Variants in DNAJB6 observed in about 807,000 individuals in gnomAD.
DNAJB6 encodes dnaJ homolog subfamily B member 6.
Under a neutral mutation model 42.7 loss-of-function variants are expected in DNAJB6, and 16 were observed. That is an observed-to-expected ratio of 0.37 (90% CI 0.25 to 0.57). The LOEUF is 0.57. Ranked by LOEUF, DNAJB6 falls within the 20% of genes least tolerant of loss-of-function variation. DNAJB6 has a pLI of 0.74. For synonymous variants in DNAJB6, 170 were observed against 163.5 expected (o/e 1.04, Z -0.30); for missense variants, 347 against 416.8 (o/e 0.83, Z 1.46).
At chr7:157,353,607 G>GTGTA (rs1799118006) in intron 1 of DNAJB6, among the ~76,000 whole-genome samples, 1 of 147,908 alleles carries the variant, frequency 6.8e-6, no homozygotes, top group African/African-American at 2.5e-5. Context: ...GTGTGTGTGT[G>GTGTA]TGTGTGTGTG....
At chr7:157,363,900 A>G (rs1215317330) in intron 3 of DNAJB6, among the ~76,000 whole-genome samples, 1 of 152,028 alleles carries the variant, frequency 6.6e-6, no homozygotes, top group Non-Finnish European at 1.5e-5. Flanking sequence ...AAGGCTGTGC[A>G]TGGGGCCTGG....
chr7:157,396,610 GCT>G (rs1801595860), intron 8 of DNAJB6, among the ~76,000 whole-genome samples: 1 of 152,228 alleles, frequency 6.6e-6, no homozygotes, highest in African/African-American at 2.4e-5. Flanking sequence ...CCCCTCCTCT[GCT>G]CTCAGTGTGA....
intron 8 of DNAJB6, among the ~76,000 whole-genome samples, chr7:157,406,327 A>G (rs1172720032): frequency 6.6e-6 from 1 of 152,176 alleles, no homozygotes; most frequent in Non-Finnish European, 1.5e-5. Context: ...TCTTTCCTCA[A>G]GTCACTTTTC....
intron 1 of DNAJB6, among the ~76,000 whole-genome samples, chr7:157,350,681 A>G (rs935744683): frequency 1.4e-5 from 2 of 145,060 alleles, no homozygotes; most frequent in Non-Finnish European, 3.0e-5. Flanking sequence ...CTTGGAGACA[A>G]CAACCTTTTT....
chr7:157,410,548 G>A (rs1795939298), intron 9 of DNAJB6: 3 of 166,310 alleles, frequency 1.8e-5, no homozygotes, highest in East Asian at 1.7e-4. Context: ...TTAGGGAGCC[G>A]GATAGTCTCT....
chr7:157,349,905 A>G (rs963098231), intron 1 of DNAJB6, among the ~76,000 whole-genome samples: 3 of 152,048 alleles, frequency 2.0e-5, no homozygotes, highest in African/African-American at 7.2e-5. Flanking sequence ...AGCCTCCCAG[A>G]GTGGTGGGAT....
At chr7:157,375,295 C>G (rs1052229687) in intron 5 of DNAJB6, among the ~76,000 whole-genome samples, 1 of 152,178 alleles carries the variant, frequency 6.6e-6, no homozygotes, top group Admixed American at 6.5e-5. Flanking sequence ...CTTCCCTGAG[C>G]AATGAGGACT....
intron 8 of DNAJB6, among the ~76,000 whole-genome samples, chr7:157,391,850 C>T (rs1389978839): frequency 1.3e-5 from 2 of 152,156 alleles, no homozygotes; most frequent in East Asian, 3.9e-4. Context: ...GCCTGTAATC[C>T]CAGTGCTCTG....
At chr7:157,366,870 C>G (rs1357797968) in intron 4 of DNAJB6, among the ~76,000 whole-genome samples, 1 of 152,220 alleles carries the variant, frequency 6.6e-6, no homozygotes, top group Non-Finnish European at 1.5e-5. Flanking sequence ...GTTTAAAGAG[C>G]AGATTTTCCT....
intron 1 of DNAJB6, among the ~76,000 whole-genome samples, chr7:157,338,990 T>A (rs765585258): frequency 6.6e-6 from 1 of 152,180 alleles, no homozygotes. Context: ...TAAAATTTAT[T>A]TTCTTCTGGA....
intron 5 of DNAJB6, among the ~76,000 whole-genome samples, chr7:157,377,896 C>T (rs1376929349): frequency 3.9e-5 from 6 of 152,186 alleles, no homozygotes; most frequent in Non-Finnish European, 7.3e-5. Flanking sequence ...CCACCTAACA[C>T]GATCCACTAT....
At chr7:157,391,827 C>T (rs1457442353) in intron 8 of DNAJB6, among the ~76,000 whole-genome samples, 4 of 152,026 alleles carry the variant, frequency 2.6e-5, no homozygotes, top group African/African-American at 7.2e-5. Context: ...AGTTACCAGG[C>T]GCAGTGGCTC....
intron 1 of DNAJB6, among the ~76,000 whole-genome samples, chr7:157,344,996 T>C (rs1798611188): frequency 6.6e-6 from 1 of 152,138 alleles, no homozygotes; most frequent in Non-Finnish European, 1.5e-5. Flanking sequence ...TTTATTTTTA[T>C]TTATTTTATT....
chr7:157,375,775 G>A (rs6459770), intron 5 of DNAJB6, among the ~76,000 whole-genome samples: 76,527 of 152,060 alleles, frequency 0.5, 19,791 homozygotes, highest in East Asian at 0.64. Context: ...GAGGAGTTGG[G>A]AGAGCAGAGG....
At chr7:157,385,142 C>T (rs1800990290) in intron 7 of DNAJB6, 134 bp downstream of exon 7, 1 of 930,294 alleles carries the variant, frequency 1.1e-6, no homozygotes, top group South Asian at 1.9e-5. Flanking sequence ...ATCTTTTGCT[C>T]TCCAAATTCA....
chr7:157,388,992 G>A (rs948013998), intron 8 of DNAJB6, among the ~76,000 whole-genome samples: 4 of 152,290 alleles, frequency 2.6e-5, no homozygotes, highest in Admixed American at 6.5e-5. Context: ...CATCATGGGC[G>A]ACTTGTCATT....
intron 5 of DNAJB6, among the ~76,000 whole-genome samples, chr7:157,373,363 C>T (rs763056917): frequency 2.6e-5 from 4 of 152,134 alleles, no homozygotes; most frequent in Non-Finnish European, 4.4e-5. Flanking sequence ...CCTCACCCCT[C>T]GCTCTGAGAC....
chr7:157,383,377 A>G (rs924156164), intron 6 of DNAJB6, among the ~76,000 whole-genome samples: 13 of 152,138 alleles, frequency 8.5e-5, no homozygotes, highest in Admixed American at 7.2e-4. Flanking sequence ...AGCTTGTTAT[A>G]TAGGGTTCCT....
chr7:157,337,417 C>T (rs1361478772), intron 1 of DNAJB6: 2 of 152,144 alleles, frequency 1.3e-5, no homozygotes, highest in Non-Finnish European at 2.9e-5. Context: ...GGAACGCGGC[C>T]CAGCCTCCGC....
Sources: gnomAD v4.1 joint callset for allele counts (sites outside exome capture counted in the v4.1 genomes callset) on GRCh38, gnomAD v4.1.1 for gene constraint, MANE v1.5 for transcripts, NCBI Gene and HGNC (gene_info 2026-07-23, HGNC 2026-07-21) for gene names.